The following HSD17B12 variants were observed in gnomAD, a reference collection of about 807,000 sequenced individuals.
HSD17B12 encodes very-long-chain 3-oxoacyl-CoA reductase.
HSD17B12 carries 32 observed loss-of-function variants against 39.3 expected under a neutral mutation model. The observed-to-expected ratio is 0.81, with a 90% CI of 0.61 to 1.09. The LOEUF (loss-of-function observed/expected upper bound fraction) is 1.09. Among genes scored for constraint, HSD17B12 ranks in the 50% least tolerant of loss-of-function variants. The pLI is 0.00. For synonymous variants in HSD17B12, 150 were observed against 146.7 expected (o/e 1.02, Z -0.16); for missense variants, 342 against 382.9 (o/e 0.89, Z 0.89).
chr11:43,825,806 GTTTTC>G (rs1194157806), intron 6 of HSD17B12, among the ~76,000 whole-genome samples: 1 of 152,184 alleles, frequency 6.6e-6, no homozygotes. Flanking sequence ...ACTCTGCATT[GTTTTC>G]TTCTTCCAAA....
intron 6 of HSD17B12, among the ~76,000 whole-genome samples, chr11:43,817,095 T>A (rs1444806816): frequency 6.6e-6 from 1 of 150,752 alleles, no homozygotes; most frequent in Non-Finnish European, 1.5e-5. Context: ...TGATCATTAG[T>A]GATGCTGAAC....
At chr11:43,647,993 C>T in the HSD17B12 span, among the ~76,000 whole-genome samples, 8 of 152,286 alleles carry the variant, frequency 5.3e-5, no homozygotes, top group South Asian at 1.5e-3. Flanking sequence ...CAAACCAACA[C>T]TTACTTCAAA....
At chr11:43,835,718 T>C (rs1951363311) in intron 7 of HSD17B12, among the ~76,000 whole-genome samples, 1 of 152,180 alleles carries the variant, frequency 6.6e-6, no homozygotes, top group South Asian at 2.1e-4. Context: ...AGCATGCAAA[T>C]ACTGTATTTT....
At chr11:43,615,017 T>C in the HSD17B12 span, among the ~76,000 whole-genome samples, 2 of 152,146 alleles carry the variant, frequency 1.3e-5, no homozygotes, top group Admixed American at 1.3e-4. Context: ...TAGCCAGTGA[T>C]TTTTTTCATC....
At chr11:43,608,935 A>C in the HSD17B12 span, among the ~76,000 whole-genome samples, 1 of 151,138 alleles carries the variant, frequency 6.6e-6, no homozygotes, top group South Asian at 2.1e-4. Flanking sequence ...CAACCCCCCA[A>C]CCTCTTTTTT....
intron 3 of HSD17B12, 103 bp from the exon 4 acceptor site, chr11:43,798,217 G>A (rs1257040784): frequency 1.2e-5 from 8 of 673,454 alleles, no homozygotes; most frequent in Middle Eastern, 4.0e-4. Flanking sequence ...CAAATTGGGT[G>A]GGGAGAAACG....
chr11:43,616,427 A>AAAAAAAC, the HSD17B12 span, among the ~76,000 whole-genome samples: 1 of 149,264 alleles, frequency 6.7e-6, no homozygotes, highest in Non-Finnish European at 1.5e-5. Flanking sequence ...ACAAAAAACA[A>AAAAAAAC]AAAAAAAACA....
chr11:43,757,639 C>CAAAAAAAAA lies in HSD17B12; in HGVS notation c.283+3538_283+3546dup, dbSNP rs60598991. On this transcript the variant is annotated intron_variant, in intron 3 of 10. Transcript: ENST00000278353. ...TGGGCGACAGAGCGAGACTCCGTCT[C>CAAAAAAAAA]AAAAAAAAAAAAAAAAAAAAAAAAA... Among the ~76,000 whole-genome samples the CAAAAAAAAA allele has an allele frequency of 6.9e-4, 5 of 7,208 alleles. 1 individual carries two copies. The highest frequency in any genetic ancestry group is 1.5e-3 in the African/African-American group (4 of 2,630). The allele number at this position is 7,208 out of a possible 152,430, so 4.7% of individuals were successfully genotyped here.
chr11:43,809,227 C>T (rs995258498), intron 4 of HSD17B12, among the ~76,000 whole-genome samples: 53 of 152,310 alleles, frequency 3.5e-4, no homozygotes, highest in African/African-American at 1.3e-3. Context: ...CATATTACTA[C>T]GTCCCAGGCA....
At chr11:43,695,781 C>T (rs1949905849) in intron 1 of HSD17B12, among the ~76,000 whole-genome samples, 1 of 151,906 alleles carries the variant, frequency 6.6e-6, no homozygotes, top group East Asian at 1.9e-4. Context: ...ATCTGGATGA[C>T]CTTTGTAGTA....
intron 1 of HSD17B12, among the ~76,000 whole-genome samples, chr11:43,728,673 C>G (rs774374535): frequency 6.6e-6 from 1 of 152,166 alleles, no homozygotes; most frequent in South Asian, 2.1e-4. Flanking sequence ...CTTCTTTTGA[C>G]TCATCATTAG....
the HSD17B12 span, chr11:43,670,395 GAT>G: frequency 6.6e-6 from 1 of 152,162 alleles, no homozygotes; most frequent in African/African-American, 2.4e-5. Flanking sequence ...TATATATTTT[GAT>G]ATAAGCATAT....
At chr11:43,846,315 C>T (rs1024687539) in intron 9 of HSD17B12, among the ~76,000 whole-genome samples, 1 of 152,226 alleles carries the variant, frequency 6.6e-6, no homozygotes, top group Admixed American at 6.5e-5. Context: ...CATTTGTCAA[C>T]TCATTTTACA....
intron 3 of HSD17B12, among the ~76,000 whole-genome samples, chr11:43,782,882 TATC>T (rs1565087565): frequency 6.6e-6 from 1 of 152,306 alleles, no homozygotes; most frequent in South Asian, 2.1e-4. Context: ...AGACAAAAGT[TATC>T]ATCATCAGTA....
intron 3 of HSD17B12, among the ~76,000 whole-genome samples, chr11:43,760,745 G>A (rs1273936803): frequency 6.6e-6 from 1 of 152,094 alleles, no homozygotes; most frequent in African/African-American, 2.4e-5. Context: ...GTTTTCATAA[G>A]TACAACAGGA....
intron 3 of HSD17B12, among the ~76,000 whole-genome samples, chr11:43,771,585 A>G (rs1486093164): frequency 2.0e-5 from 3 of 146,536 alleles, no homozygotes; most frequent in Non-Finnish European, 4.5e-5. Context: ...TCCTGCCTCA[A>G]CCTCCCCAGT....
chr11:43,634,075 C>CAAAAAAAAAAAAAAAAAA, the HSD17B12 span, among the ~76,000 whole-genome samples: 17 of 37,564 alleles, frequency 4.5e-4, no homozygotes, highest in South Asian at 1.7e-3. Flanking sequence ...AACTCCATCT[C>CAAAAAAAAAAAAAAAAAA]AAAAAAAAAA....
At chr11:43,734,051 C>A (rs1330837294) in intron 1 of HSD17B12, 2 of 828,452 alleles carry the variant, frequency 2.4e-6, no homozygotes, top group South Asian at 1.4e-5. Context: ...TCCGGCCTAT[C>A]GCTAGCCAAC....
the HSD17B12 span, among the ~76,000 whole-genome samples, chr11:43,600,712 T>C: frequency 6.6e-6 from 1 of 152,086 alleles, no homozygotes; most frequent in Non-Finnish European, 1.5e-5. Flanking sequence ...TCTTTATGCC[T>C]CAATTTATTT....
Sources: gnomAD v4.1 joint callset for allele counts (sites outside exome capture counted in the v4.1 genomes callset) on GRCh38, gnomAD v4.1.1 for gene constraint, MANE v1.5 for transcripts, NCBI Gene and HGNC (gene_info 2026-07-23, HGNC 2026-07-21) for gene names.